VIT: variants seen among roughly 807,000 people sequenced by gnomAD.
The protein encoded by VIT is vitrin.
A neutral mutation model predicts 78.0 loss-of-function variants in VIT; 99 were observed. The observed-to-expected ratio is 1.27, with a 90% CI of 1.08 to 1.50. The LOEUF is 1.50. VIT is among the 40% of genes most tolerant of loss of function. The pLI is 0.00. For synonymous variants in VIT, 374 were observed against 334.3 expected (o/e 1.12, Z -1.29); for missense variants, 1,126 against 875.3 (o/e 1.29, Z -3.61).
intron 9 of VIT, among the ~76,000 whole-genome samples, chr2:36,777,962 C>G (rs1050923568): frequency 6.6e-6 from 1 of 152,150 alleles, no homozygotes; most frequent in African/African-American, 2.4e-5. Flanking sequence ...TACATGTGGA[C>G]CTGATGATGC....
intron 9 of VIT, among the ~76,000 whole-genome samples, chr2:36,777,352 T>C (rs1000064014): frequency 1.3e-5 from 2 of 151,974 alleles, no homozygotes; most frequent in African/African-American, 4.8e-5. Context: ...TCATGTCTTT[T>C]TTTATATCTC....
At chr2:36,757,976 G>C (rs1201639756) in intron 5 of VIT, among the ~76,000 whole-genome samples, 1 of 152,114 alleles carries the variant, frequency 6.6e-6, no homozygotes, top group Non-Finnish European at 1.5e-5. Context: ...GTGCCAGCAG[G>C]ATGGTTGGCA....
chr2:36,777,003 G>C (rs555579405), intron 9 of VIT, among the ~76,000 whole-genome samples: 1 of 148,314 alleles, frequency 6.7e-6, no homozygotes, highest in South Asian at 2.2e-4. Context: ...GCAGGAGAAT[G>C]GCATGAACCC....
At chr2:36,724,688 A>G (rs2148471272) in intron 2 of VIT, among the ~76,000 whole-genome samples, 1 of 152,332 alleles carries the variant, frequency 6.6e-6, no homozygotes, top group East Asian at 1.9e-4. Flanking sequence ...TTTATTAATT[A>G]CTGCTGTTCA....
At chr2:36,805,067 C>T (rs1412079060) in intron 13 of VIT, among the ~76,000 whole-genome samples, 1 of 152,094 alleles carries the variant, frequency 6.6e-6, no homozygotes, top group African/African-American at 2.4e-5. Context: ...CTTTGGCAGG[C>T]TGAGGTGGGT....
intron 4 of VIT, among the ~76,000 whole-genome samples, chr2:36,748,384 G>C (rs1272643083): frequency 1.3e-5 from 2 of 152,130 alleles, no homozygotes; most frequent in Non-Finnish European, 2.9e-5. Context: ...GCCTCCTTTG[G>C]TTGGTCACTT....
chr2:36,744,445 T>C (rs1214351361), intron 4 of VIT, among the ~76,000 whole-genome samples: 2 of 152,210 alleles, frequency 1.3e-5, no homozygotes, highest in Non-Finnish European at 2.9e-5. Context: ...CCACCAACAA[T>C]GTATAAGCAT....
intron 2 of VIT, among the ~76,000 whole-genome samples, chr2:36,724,391 C>T (rs1666709782): frequency 6.6e-6 from 1 of 152,220 alleles, no homozygotes; most frequent in African/African-American, 2.4e-5. Flanking sequence ...TCAGACCTGT[C>T]TGCGGCTTTG....
chr2:36,772,331 G>C (rs1669812444), intron 7 of VIT, among the ~76,000 whole-genome samples: 1 of 152,172 alleles, frequency 6.6e-6, no homozygotes, highest in South Asian at 2.1e-4. Flanking sequence ...GAGGTCAGGA[G>C]TTCAAGACCA....
chr2:36,758,588 G>A (rs977203788), intron 5 of VIT, among the ~76,000 whole-genome samples: 2 of 152,224 alleles, frequency 1.3e-5, no homozygotes, highest in Non-Finnish European at 2.9e-5. Context: ...TATGACCGGA[G>A]CACTCCATCA....
chr2:36,721,868 C>T (rs1666535944), intron 2 of VIT, among the ~76,000 whole-genome samples: 1 of 152,204 alleles, frequency 6.6e-6, no homozygotes, highest in Non-Finnish European at 1.5e-5. Context: ...TCCTTGGTGT[C>T]CTGTGTTTAT....
intron 3 of VIT, among the ~76,000 whole-genome samples, chr2:36,740,217 A>T (rs1284632695): frequency 1.3e-5 from 2 of 152,232 alleles, no homozygotes; most frequent in African/African-American, 4.8e-5. Context: ...CTAAGCTGCG[A>T]GCACTGAATA....
At chr2:36,764,106 T>C (rs1572497345) in intron 6 of VIT, among the ~76,000 whole-genome samples, 1 of 152,238 alleles carries the variant, frequency 6.6e-6, no homozygotes, top group Non-Finnish European at 1.5e-5. Flanking sequence ...TAGCCAATGG[T>C]GTGACAAAAA....
At position 36,743,198 on chromosome 2, in the gene VIT, G is replaced by T. The variant is rs187956911; in HGVS notation, c.217G>T (p.Val73Phe). 27 of 1,614,104 alleles carry T rather than the reference G, an allele frequency of 1.7e-5. No homozygotes were observed. The highest frequency in any genetic ancestry group is 2.5e-6 in the Non-Finnish European group (3 of 1,179,964). The part of the protein sequence containing the change: ...PAGCQDPKYH[V>F]YGTDVYASYS... ...AGGATGCCAAGACCCCAAATACCATGTTTATGGCACTGACGTGTATGCATC... is the reference window on the plus strand; with the variant it reads ...AGGATGCCAAGACCCCAAATACCATTTTTATGGCACTGACGTGTATGCATC... The change falls in exon 4 of 16, where the codon GTT becomes TTT. Residue 73 changes from valine to phenylalanine, a missense_variant. Transcript: ENST00000379242.
Position 36,728,551 on chromosome 2 carries a change from C to T in VIT, c.53-875C>T, listed in dbSNP as rs1220310358. 1.7e-4 allele frequency among the ~76,000 whole-genome samples: 5 copies of T among 29,424 alleles called. 1 individual carries two copies. Among genetic ancestry groups the T allele is most frequent in the Non-Finnish European group, 4.6e-4 (4 of 8,652 alleles). The allele number at this position is 29,424 out of a possible 152,430, so 19.3% of individuals were successfully genotyped here. A position where few individuals can be genotyped will look rare whatever the true frequency, so the allele number is the denominator to read the frequency against. ...AATATTGGCCGGGCGCGGTGGCTCA[C>T]GCCTGTAATCCCAGCACTTTGGGAG... On this transcript the variant is annotated intron_variant, in intron 2 of 15. Coordinates refer to ENST00000379242, the MANE Select transcript of VIT (RefSeq NM_053276.4).
At position 36,793,367 on chromosome 2, in the gene VIT, G is replaced by A. The variant is rs186673622; in HGVS notation, c.1058+6091G>A. Among the ~76,000 whole-genome samples the A allele has an allele frequency of 1.5e-4, 23 of 152,324 alleles. No homozygotes were observed. In the East Asian group the frequency reaches 3.1e-3, roughly 20 times the overall value. Reference sequence around the variant, plus strand: ...AGACCCTGCTCCTCCTTCTCTGATGGTGGGAAATGTGGAAAAGACCAGTTC... The same window carrying A: ...AGACCCTGCTCCTCCTTCTCTGATGATGGGAAATGTGGAAAAGACCAGTTC... On this transcript the variant is annotated intron_variant, in intron 12 of 15. Coordinates refer to ENST00000379242, the MANE Select transcript of VIT (RefSeq NM_053276.4).
intron 2 of VIT, among the ~76,000 whole-genome samples, chr2:36,721,250 A>G (rs1558513725): frequency 6.6e-6 from 1 of 152,186 alleles, no homozygotes; most frequent in Non-Finnish European, 1.5e-5. Context: ...CATCATAAAT[A>G]TAGACAATTT....
At chr2:36,775,846 A>T (rs538254705) in intron 9 of VIT, among the ~76,000 whole-genome samples, 2 of 152,284 alleles carry the variant, frequency 1.3e-5, no homozygotes, top group Admixed American at 6.5e-5. Flanking sequence ...ATGAAGCTCC[A>T]TTATGGCTCC....
rs763285971 is a variant in VIT, at chr2:36,805,673, C to T, written c.1389+9C>T. ...CCAACTTTGCAAACAAGGTAGATGA[C>T]TGCCCGGAGACCTACCCAACATCAG... On this transcript the variant is annotated intron_variant, in intron 14 of 15. Coordinates refer to ENST00000379242, the MANE Select transcript of VIT (RefSeq NM_053276.4). 1 of 1,609,920 alleles carries T rather than the reference C, an allele frequency of 6.2e-7. No individual in the cohort carries two copies. Among genetic ancestry groups the T allele is most frequent in the East Asian group, 2.2e-5 (1 of 44,764 alleles).
Sources: gnomAD v4.1 joint callset for allele counts (sites outside exome capture counted in the v4.1 genomes callset) on GRCh38, gnomAD v4.1.1 for gene constraint, MANE v1.5 for transcripts, NCBI Gene and HGNC (gene_info 2026-07-23, HGNC 2026-07-21) for gene names.